Variants in PADI1 observed in about 807,000 individuals in gnomAD.
PADI1 encodes the protein protein-arginine deiminase type-1.
A neutral mutation model predicts 74.8 loss-of-function variants in PADI1; 65 were observed. The ratio of observed to expected loss-of-function variants is 0.87; its 90% confidence interval spans 0.71 to 1.07. PADI1 has a LOEUF of 1.07. Among genes scored for constraint, PADI1 ranks in the 50% least tolerant of loss-of-function variants. The pLI, the probability that PADI1 is intolerant of heterozygous loss-of-function variation, is 0.00. For missense variants in PADI1, 943 were observed against 854.0 expected (o/e 1.10, Z -1.30); for synonymous variants, 371 against 336.2 (o/e 1.10, Z -1.13).
chr1:17,231,981 T>A (rs890656935), intron 10 of PADI1, among the ~76,000 whole-genome samples: 1 of 152,010 alleles, frequency 6.6e-6, no homozygotes, highest in African/African-American at 2.4e-5. Context: ...CACTGTTGCC[T>A]GGGCTGGAGT....
intron 3 of PADI1, 124 bp from the exon 4 acceptor site, chr1:17,224,243 C>T: frequency 1.3e-6 from 1 of 785,836 alleles, no homozygotes; most frequent in Non-Finnish European, 2.2e-6. Flanking sequence ...GGGGTCTGAC[C>T]CCCAGACAGG....
At chr1:17,239,991 C>G (rs1424411260) in intron 14 of PADI1, 1 of 557,076 alleles carries the variant, frequency 1.8e-6, no homozygotes, top group Admixed American at 3.0e-5. Context: ...GAGCTCCCAG[C>G]CTAATGAGGG....
At chr1:17,238,322 G>A (rs143300476) in intron 12 of PADI1, among the ~76,000 whole-genome samples, 5 of 152,364 alleles carry the variant, frequency 3.3e-5, no homozygotes, top group African/African-American at 7.2e-5. Context: ...GATTACAGGC[G>A]TGAGCCACGA....
Position 17,230,210 on chromosome 1 carries a change from T to TGGGAGCTGGGGGCAGCTCG in PADI1, c.1053+5_1053+23dup, listed in dbSNP as rs2072447774. On this transcript the variant is annotated splice_region_variant and intron_variant, in intron 9 of 15. Transcript: ENST00000375471. Reference sequence around the variant, plus strand: ...AATCGAAATGACCGCTGGATCCAGGTGGGAGCTGGGGGCAGCTCGGGAAGC... The same window carrying TGGGAGCTGGGGGCAGCTCG: ...AATCGAAATGACCGCTGGATCCAGGTGGGAGCTGGGGGCAGCTCGGGGAGCTGGGGGCAGCTCGGGAAGC... 1 of 1,613,040 alleles carries TGGGAGCTGGGGGCAGCTCG rather than the reference T, an allele frequency of 6.2e-7. No homozygotes were observed. The highest frequency in any genetic ancestry group is 8.5e-7 in the Non-Finnish European group (1 of 1,179,534).
chr1:17,240,778 G>A lies in PADI1; in HGVS notation c.1758+18G>A. 1.2e-6 allele frequency: 2 copies of A among 1,611,646 alleles called. No individual in the cohort carries two copies. The highest frequency in any genetic ancestry group is 1.7e-6 in the Non-Finnish European group (2 of 1,178,450). On this transcript the variant is annotated intron_variant, in intron 15 of 15. Transcript: ENST00000375471. ...CAGACATGGTGAGAGCCCTTGTGCA[G>A]GGTCCTGCTGGGGGGTCTGCGGGGC...
chr1:17,228,710 G>A lies in PADI1; in HGVS notation c.738G>A (p.Glu246=), dbSNP rs2072394032. ...TTGAGCGACAGCCAGGGGAGCAGGA[G>A]ATCAAGTTCTATGTGGAGGGGCTGA... is the stretch of plus-strand genomic sequence containing the variant. The part of the protein sequence containing the change: ...YEVERQPGEQ[E]IKFYVEGLTF... Residue 246 remains glutamate (E), a synonymous_variant, in exon 7 of 16, where the codon GAG becomes GAA. Transcript: ENST00000375471. The A allele has an allele frequency of 1.2e-6, 2 of 1,614,100 alleles. No individual in the cohort carries two copies. The highest frequency in any genetic ancestry group is 1.7e-6 in the Non-Finnish European group (2 of 1,180,030).
chr1:17,216,497 G>C (rs553468252), intron 1 of PADI1, among the ~76,000 whole-genome samples: 1 of 152,248 alleles, frequency 6.6e-6, no homozygotes, highest in African/African-American at 2.4e-5. Flanking sequence ...CGGTGGGTTG[G>C]GCAGGAGCAG....
rs937675127 is a variant in PADI1 at position 17,232,966 on chromosome 1, C to T, written c.1309C>T (p.Pro437Ser). 1 of 1,603,598 alleles carries T rather than the reference C, an allele frequency of 6.2e-7. No homozygotes were observed. The highest frequency in any genetic ancestry group is 8.5e-7 in the Non-Finnish European group (1 of 1,176,288). Reference protein sequence around the residue: ...LGRILIGSSFPKSGGRQMARA... With the variant: ...LGRILIGSSFSKSGGRQMARA... ...CCGGATCCTCATCGGGAGCAGCTTCCCCAAGTGAGGGGCTGGGGCGGGAGG... is the reference window on the plus strand; with the variant it reads ...CCGGATCCTCATCGGGAGCAGCTTCTCCAAGTGAGGGGCTGGGGCGGGAGG... Residue 437 changes from proline to serine, a missense_variant, in exon 11 of 16, where the codon CCC (proline) becomes TCC (serine). Coordinates refer to ENST00000375471, the MANE Select transcript of PADI1 (RefSeq NM_013358.3).
At chr1:17,223,160 G>A (rs2072207277) in intron 2 of PADI1, among the ~76,000 whole-genome samples, 1 of 152,142 alleles carries the variant, frequency 6.6e-6, no homozygotes, top group Non-Finnish European at 1.5e-5. Flanking sequence ...GGGATGACCC[G>A]GCTGGAGGGC....
chr1:17,206,860 T>C (rs147683054), intron 1 of PADI1, among the ~76,000 whole-genome samples: 1,778 of 152,140 alleles, frequency 0.012, 13 homozygotes, highest in Middle Eastern at 0.024. Context: ...TTTGTATTTT[T>C]AGTAGAGACA....
chr1:17,240,854 G>T, intron 15 of PADI1, 94 bp downstream of exon 15: 1 of 1,378,744 alleles, frequency 7.3e-7, no homozygotes. Context: ...AGAGGCTGGA[G>T]GGCCCTGCGG....
chr1:17,238,737 G>A (rs1439622054), intron 13 of PADI1, 28 bp downstream of exon 13: 3 of 1,256,302 alleles, frequency 2.4e-6, no homozygotes, highest in South Asian at 3.3e-5. Context: ...GGTCACCCCT[G>A]GGGGACCCTG....
In PADI1 at chr1:17,245,139, G is replaced by C. The variant is rs2072857983; in HGVS notation, c.*896G>C. On this transcript the variant is annotated 3_prime_UTR_variant, in exon 16 of 16. Transcript: ENST00000375471. This position sits in a 1 kb window ranked among gnomAD's most constrained non-coding sequence, Gnocchi z 4.1. ...AGCTGGAGCTTCCAGATGTAGCAGG[G>C]GTAGGGGGCCAGATGTTAGAAGAGG... 1.3e-5 allele frequency: 2 copies of C among 152,980 alleles called. No individual in the cohort carries two copies. Among genetic ancestry groups the C allele is most frequent in the Non-Finnish European group, 2.9e-5 (2 of 68,340 alleles). The allele number at this position is 152,980 out of a possible 1,614,324, so 9.5% of individuals were successfully genotyped here. A position where few individuals can be genotyped will look rare whatever the true frequency, so the allele number is the denominator to read the frequency against.
At chr1:17,230,328 G>A (rs528525637) in intron 9 of PADI1, 120 bp downstream of exon 9, 1 of 1,267,962 alleles carries the variant, frequency 7.9e-7, no homozygotes, top group Admixed American at 2.5e-5. Flanking sequence ...CAGGCCTCTG[G>A]GGCGAGGGCT....
chr1:17,237,591 TC>T, intron 12 of PADI1, 133 bp downstream of exon 12: 1 of 801,118 alleles, frequency 1.2e-6, no homozygotes, highest in Non-Finnish European at 1.8e-6. Flanking sequence ...ATTTTCTGGG[TC>T]AGGGCACCCT....
At chr1:17,223,423 G>C in intron 2 of PADI1, 198 bp from the exon 3 acceptor site, 1 of 580,896 alleles carries the variant, frequency 1.7e-6, no homozygotes. Context: ...GAACCAAGGT[G>C]GGCTCCACAG....
Position 17,228,738 on chromosome 1 carries a change from T to C in PADI1, c.766T>C (p.Phe256Leu). 1 of 1,614,184 alleles carries C rather than the reference T, an allele frequency of 6.2e-7. No individual in the cohort carries two copies. The highest frequency in any genetic ancestry group is 8.5e-7 in the Non-Finnish European group (1 of 1,180,012). The change falls in exon 7 of 16, where the codon TTC (phenylalanine) becomes CTC (leucine). Residue 256 changes from phenylalanine (F) to leucine (L), a missense_variant. Coordinates refer to ENST00000375471, the MANE Select transcript of PADI1 (RefSeq NM_013358.3). ...EIKFYVEGLT[F>L]PDADFLGLVS... ...CAAGTTCTATGTGGAGGGGCTGACC[T>C]TCCCCGATGCCGATTTCCTAGGGCT...
chr1:17,206,050 C>A (rs1262791685), intron 1 of PADI1, among the ~76,000 whole-genome samples: 1 of 152,176 alleles, frequency 6.6e-6, no homozygotes, highest in African/African-American at 2.4e-5. Flanking sequence ...GTTTCCCTAC[C>A]TGGCCACTAA....
At chr1:17,219,115 G>A (rs958624213) in intron 1 of PADI1, among the ~76,000 whole-genome samples, 4 of 152,222 alleles carry the variant, frequency 2.6e-5, no homozygotes, top group Non-Finnish European at 5.9e-5. Flanking sequence ...GGTCAGCCGC[G>A]TGGTGCAGGT....
Sources: allele counts gnomAD v4.1 joint callset (sites outside exome capture counted in the v4.1 genomes callset), GRCh38; gene constraint gnomAD v4.1.1; non-coding constraint Gnocchi (gnomAD v3.1); transcripts MANE v1.5; gene names NCBI Gene and HGNC (gene_info 2026-07-23, HGNC 2026-07-21).